Variants in MCU observed in about 807,000 individuals in gnomAD.
MCU encodes the protein calcium uniporter protein, mitochondrial.
Under a neutral mutation model 45.2 loss-of-function variants are expected in MCU, and 12 were observed. The observed-to-expected ratio is 0.27, with a 90% CI of 0.17 to 0.43. The LOEUF (loss-of-function observed/expected upper bound fraction) is 0.43. Among genes scored for constraint, MCU ranks in the 20% least tolerant of loss-of-function variants. The pLI is 1.00. For synonymous variants in MCU, 160 were observed against 165.1 expected (o/e 0.97, Z 0.24); for missense variants, 324 against 436.7 (o/e 0.74, Z 2.30).
chr10:72,861,444 T>G, intron 4 of MCU, among the ~76,000 whole-genome samples: 1 of 151,904 alleles, frequency 6.6e-6, no homozygotes, highest in Non-Finnish European at 1.5e-5. Context: ...TGGGTTTTTT[T>G]TTTTAAGAGT....
intron 1 of MCU, among the ~76,000 whole-genome samples, chr10:72,711,713 T>C (rs549284254): frequency 5.4e-4 from 77 of 143,740 alleles, no homozygotes; most frequent in African/African-American, 1.9e-3. Context: ...TGTTTCTTTT[T>C]TTTTTTTTTT....
rs926760808 is a variant in MCU at position 72,790,269 on chromosome 10, C to G, written c.151-44090C>G. On this transcript the variant is annotated intron_variant, in intron 1 of 7. Transcript: ENST00000373053. ...AAAGAAGATGGGGGAAAACACATTCCCTGAATCTGTACCCACTGAATGTTG... is the reference window on the plus strand; with the variant it reads ...AAAGAAGATGGGGGAAAACACATTCGCTGAATCTGTACCCACTGAATGTTG... Among the ~76,000 whole-genome samples, 9 of 152,132 alleles carry G rather than the reference C, an allele frequency of 5.9e-5. No homozygotes were observed. The South Asian group carries it at 1.7e-3, about 28-fold the overall frequency.
chr10:72,867,448 A>G (rs1189538352), intron 4 of MCU, among the ~76,000 whole-genome samples: 1 of 152,162 alleles, frequency 6.6e-6, no homozygotes, highest in Admixed American at 6.5e-5. Context: ...CGTTCTCATA[A>G]CTTCATACCC....
intron 1 of MCU, among the ~76,000 whole-genome samples, chr10:72,714,752 C>G (rs953414583): frequency 1.3e-5 from 2 of 151,982 alleles, no homozygotes; most frequent in African/African-American, 4.8e-5. Context: ...CCATGTTGGT[C>G]AGGCTGGTCT....
intron 6 of MCU, among the ~76,000 whole-genome samples, chr10:72,880,608 G>C (rs1317255155): frequency 6.6e-6 from 1 of 152,024 alleles, no homozygotes; most frequent in Non-Finnish European, 1.5e-5. Flanking sequence ...ACAGATTTGG[G>C]GATTGGGGAA....
chr10:72,861,764 C>CGA (rs1421625175), intron 4 of MCU: 1 of 316,924 alleles, frequency 3.2e-6, no homozygotes, highest in African/African-American at 2.3e-5. Context: ...CCCAAAGTGC[C>CGA]GAGATTATAG....
At chr10:72,721,044 G>T (rs1211668871) in intron 1 of MCU, 1 of 154,108 alleles carries the variant, frequency 6.5e-6, no homozygotes, top group Non-Finnish European at 1.5e-5. Flanking sequence ...GAAAGAGCCA[G>T]TGGTGAGACA....
intron 1 of MCU, among the ~76,000 whole-genome samples, chr10:72,818,153 G>T (rs1186726258): frequency 6.6e-6 from 1 of 152,216 alleles, no homozygotes; most frequent in Non-Finnish European, 1.5e-5. Flanking sequence ...GGCTATATTA[G>T]ATTGAAAAAT....
chr10:72,800,312 T>G (rs1250169199), intron 1 of MCU, among the ~76,000 whole-genome samples: 1 of 152,252 alleles, frequency 6.6e-6, no homozygotes, highest in African/African-American at 2.4e-5. Context: ...TAAAATATTG[T>G]ATAAAGTTAT....
chr10:72,772,962 G>A (rs1473822149), intron 1 of MCU, among the ~76,000 whole-genome samples: 1 of 151,972 alleles, frequency 6.6e-6, no homozygotes, highest in Non-Finnish European at 1.5e-5. Context: ...GCAGTGGCAC[G>A]ACCGTGGCTC....
chr10:72,835,479 T>G (rs1379785779), intron 2 of MCU, among the ~76,000 whole-genome samples: 2 of 152,160 alleles, frequency 1.3e-5, no homozygotes, highest in Non-Finnish European at 2.9e-5. Flanking sequence ...ATCCTGCAAA[T>G]TTACAAGGGT....
chr10:72,801,353 CTTTT>C (rs200952818), intron 1 of MCU, among the ~76,000 whole-genome samples: 11 of 100,376 alleles, frequency 1.1e-4, no homozygotes, highest in African/African-American at 1.0e-4. Flanking sequence ...ATAATGCTTT[CTTTT>C]TTTTTTTTTT....
At chr10:72,701,561 C>G (rs1842758494) in intron 1 of MCU, among the ~76,000 whole-genome samples, 1 of 152,158 alleles carries the variant, frequency 6.6e-6, no homozygotes, top group East Asian at 1.9e-4. Flanking sequence ...GAGTCTTACT[C>G]TGTCGCCCAG....
intron 1 of MCU, chr10:72,715,820 A>G (rs1230593207): frequency 3.1e-6 from 3 of 973,826 alleles, no homozygotes; most frequent in East Asian, 2.3e-4. Flanking sequence ...CATAACAACC[A>G]TGTAAGGGAG....
At chr10:72,798,962 G>A (rs1247858244) in intron 1 of MCU, among the ~76,000 whole-genome samples, 1 of 150,834 alleles carries the variant, frequency 6.6e-6, no homozygotes, top group Non-Finnish European at 1.5e-5. Flanking sequence ...TTATTTTTTC[G>A]AGACGGAGTC....
intron 1 of MCU, chr10:72,693,150 TTC>T: frequency 7.2e-7 from 1 of 1,391,452 alleles, no homozygotes; most frequent in East Asian, 2.5e-5. Flanking sequence ...AAAAGAGGAT[TTC>T]TGTTTGAACA....
At chr10:72,703,979 T>C (rs1262360605) in intron 1 of MCU, among the ~76,000 whole-genome samples, 1 of 152,228 alleles carries the variant, frequency 6.6e-6, no homozygotes, top group Non-Finnish European at 1.5e-5. Context: ...TTATATAGTT[T>C]CCATTCTGTT....
At chr10:72,822,543 T>A (rs1275037047) in intron 1 of MCU, among the ~76,000 whole-genome samples, 1 of 152,182 alleles carries the variant, frequency 6.6e-6, no homozygotes, top group Admixed American at 6.5e-5. Flanking sequence ...AAGTTCTGAA[T>A]AGGCATTTTT....
Position 72,886,358 on chromosome 10 carries a change from CT to C in MCU, c.*537del, listed in dbSNP as rs1352009440. On this transcript the variant is annotated 3_prime_UTR_variant, in exon 8 of 8. Coordinates refer to ENST00000373053, the MANE Select transcript of MCU (RefSeq NM_138357.3). ...CTTCCAGCATCCCTTTACTGACCACCTACCTGTACCTCTTGGTTACACTCAT... is the reference window on the plus strand; with the variant it reads ...CTTCCAGCATCCCTTTACTGACCACCACCTGTACCTCTTGGTTACACTCAT... 6.5e-6 allele frequency: 1 copy of C among 152,860 alleles called. No homozygotes were observed. The highest frequency in any genetic ancestry group is 1.5e-5 in the Non-Finnish European group (1 of 68,292). 9.5% of individuals were successfully genotyped at this position (152,860 alleles called of 1,614,324 possible).
Sources: gnomAD v4.1 joint callset for allele counts (sites outside exome capture counted in the v4.1 genomes callset) on GRCh38, gnomAD v4.1.1 for gene constraint, MANE v1.5 for transcripts, NCBI Gene and HGNC (gene_info 2026-07-23, HGNC 2026-07-21) for gene names.